The following ACYP2 variants were observed in gnomAD, a reference collection of about 807,000 sequenced individuals.
The protein encoded by ACYP2 is acylphosphatase 2.
ACYP2 carries 12 observed loss-of-function variants against 11.2 expected under a neutral mutation model. That is an observed-to-expected ratio of 1.08 (90% CI 0.69 to 1.74). The LOEUF is 1.74. Among genes scored for constraint, ACYP2 ranks in the 40% most tolerant of loss-of-function variants. The probability of loss-of-function intolerance (pLI) is 0.00; values close to 1 mark genes in which losing one functional copy is unlikely to be tolerated. For missense variants in ACYP2, 134 were observed against 101.9 expected (o/e 1.31, Z -1.35); for synonymous variants, 43 against 32.2 (o/e 1.33, Z -1.13).
chr2:54,201,680 T>TTCTTTCTTTCTGTCTC (rs1395606887), intron 6 of ACYP2, among the ~76,000 whole-genome samples: 1 of 107,294 alleles, frequency 9.3e-6, no homozygotes, highest in African/African-American at 3.7e-5. Flanking sequence ...CTTTCTTTCT[T>TTCTTTCTTTCTGTCTC]TCTCTCTCTC....
chr2:53,994,528 A>G (rs1573471385), intron 2 of ACYP2, among the ~76,000 whole-genome samples: 1 of 151,102 alleles, frequency 6.6e-6, no homozygotes, highest in East Asian at 1.9e-4. Context: ...AAAAAAAAAA[A>G]AAAAGAGGAA....
chr2:54,299,552 G>A (rs776883226), intron 6 of ACYP2, among the ~76,000 whole-genome samples: 2 of 149,146 alleles, frequency 1.3e-5, no homozygotes, highest in African/African-American at 5.0e-5. Flanking sequence ...AGATTGCGCC[G>A]TGGTACTCCA....
chr2:53,990,681 A>G (rs545554550), intron 2 of ACYP2, among the ~76,000 whole-genome samples: 72 of 152,094 alleles, frequency 4.7e-4, no homozygotes, highest in African/African-American at 1.7e-3. Context: ...AAAAAAAGAA[A>G]AAGAATCCTC....
chr2:54,084,633 T>C (rs895473971), intron 4 of ACYP2: 1 of 152,236 alleles, frequency 6.6e-6, no homozygotes, highest in African/African-American at 2.4e-5. Flanking sequence ...ATTTGATTTC[T>C]TCTTATGGGT....
chr2:54,132,059 C>T (rs144381279), intron 4 of ACYP2, among the ~76,000 whole-genome samples: 33 of 152,326 alleles, frequency 2.2e-4, no homozygotes, highest in Admixed American at 5.9e-4. Flanking sequence ...GGCCTGTTAG[C>T]GGTTGAGGAA....
At chr2:54,196,015 C>T (rs1222828197) in intron 6 of ACYP2, among the ~76,000 whole-genome samples, 1 of 151,916 alleles carries the variant, frequency 6.6e-6, no homozygotes, top group Non-Finnish European at 1.5e-5. Flanking sequence ...TCAGGCTGGT[C>T]TCAAACTCCT....
chr2:54,270,123 A>C (rs1427291417), intron 6 of ACYP2, among the ~76,000 whole-genome samples: 4 of 152,146 alleles, frequency 2.6e-5, no homozygotes. Flanking sequence ...TTAATTTGTT[A>C]TGTATACTAA....
At chr2:54,297,660 A>G (rs887598486) in intron 6 of ACYP2, among the ~76,000 whole-genome samples, 5 of 152,240 alleles carry the variant, frequency 3.3e-5, no homozygotes, top group African/African-American at 9.6e-5. Flanking sequence ...AAAGGAGTTC[A>G]GTAAGGCATC....
chr2:54,250,025 G>A (rs1687143563), intron 6 of ACYP2, among the ~76,000 whole-genome samples: 1 of 150,792 alleles, frequency 6.6e-6, no homozygotes, highest in African/African-American at 2.4e-5. Context: ...TCTGGTTTAT[G>A]GCAGAGCCCC....
intron 2 of ACYP2, among the ~76,000 whole-genome samples, chr2:53,992,560 G>A (rs539419443): frequency 6.6e-6 from 1 of 152,316 alleles, no homozygotes; most frequent in African/African-American, 2.4e-5. Context: ...GTCGGGTGCG[G>A]TGGCTCACGC....
intron 2 of ACYP2, among the ~76,000 whole-genome samples, chr2:54,007,156 A>G (rs1445235283): frequency 2.7e-4 from 39 of 145,900 alleles, no homozygotes; most frequent in African/African-American, 9.4e-4. Context: ...AAAAAAAAAA[A>G]AAAAAAAAGA....
At chr2:54,299,936 C>T (rs377171378) in intron 6 of ACYP2, among the ~76,000 whole-genome samples, 1 of 152,204 alleles carries the variant, frequency 6.6e-6, no homozygotes, top group Non-Finnish European at 1.5e-5. Context: ...ATTCCTTTAA[C>T]ATTTGTCAAC....
chr2:54,187,267 C>G (rs1017655539), intron 6 of ACYP2, among the ~76,000 whole-genome samples: 1 of 152,206 alleles, frequency 6.6e-6, no homozygotes, highest in Admixed American at 6.5e-5. Flanking sequence ...GTGTGTCTCT[C>G]TTGCCCTCCC....
At chr2:54,229,195 G>A (rs1224993350) in intron 6 of ACYP2, among the ~76,000 whole-genome samples, 1 of 152,106 alleles carries the variant, frequency 6.6e-6, no homozygotes, top group Non-Finnish European at 1.5e-5. Context: ...GGCAGCTCCC[G>A]CTTCTGTGGG....
At chr2:54,256,203 G>C in intron 6 of ACYP2, 1 of 1,541,728 alleles carries the variant, frequency 6.5e-7, no homozygotes, top group Non-Finnish European at 8.7e-7. Flanking sequence ...GAGGTAGGTA[G>C]CGTCAACGTT....
intron 4 of ACYP2, chr2:54,115,698 C>A (rs1169149607): frequency 1.9e-6 from 3 of 1,612,220 alleles, no homozygotes; most frequent in Non-Finnish European, 8.5e-7. Flanking sequence ...TCGCCGCCGC[C>A]ATGTCTACCG....
chr2:53,995,304 A>G (rs1479552981), intron 2 of ACYP2, among the ~76,000 whole-genome samples: 2 of 152,180 alleles, frequency 1.3e-5, no homozygotes, highest in South Asian at 2.1e-4. Context: ...CTCAAGTTAC[A>G]TCAGAGAAAA....
chr2:54,209,983 A>G (rs1221725680), intron 6 of ACYP2, among the ~76,000 whole-genome samples: 1 of 152,100 alleles, frequency 6.6e-6, no homozygotes, highest in Non-Finnish European at 1.5e-5. Context: ...TCTACTAAAA[A>G]TACAAAAATT....
At chr2:54,260,728 G>A (rs1251678079) in intron 6 of ACYP2, among the ~76,000 whole-genome samples, 2 of 152,108 alleles carry the variant, frequency 1.3e-5, no homozygotes, top group Non-Finnish European at 2.9e-5. Flanking sequence ...ATGAATCCAA[G>A]GTGGTCTCTA....
Sources: allele counts gnomAD v4.1 joint callset (sites outside exome capture counted in the v4.1 genomes callset), GRCh38; gene constraint gnomAD v4.1.1; transcripts MANE v1.5; gene names NCBI Gene and HGNC (gene_info 2026-07-23, HGNC 2026-07-21).